SPDYA: variants seen among roughly 807,000 people sequenced by gnomAD.
SPDYA encodes speedy/RINGO cell cycle regulator family member A.
In SPDYA, 11 loss-of-function variants were observed where a neutral mutation model predicts 36.7. The ratio of observed to expected loss-of-function variants is 0.30; its 90% confidence interval spans 0.19 to 0.50. SPDYA has a LOEUF of 0.50. Ranked by LOEUF, SPDYA falls within the 20% of genes least tolerant of loss-of-function variation. The probability of loss-of-function intolerance (pLI) is 0.98; values close to 1 mark genes in which losing one functional copy is unlikely to be tolerated. For synonymous variants in SPDYA, 115 were observed against 118.7 expected (o/e 0.97, Z 0.20); for missense variants, 287 against 370.9 (o/e 0.77, Z 1.86).
At chr2:28,826,928 ATTTTC>A (rs1385082914) in intron 5 of SPDYA, among the ~76,000 whole-genome samples, 1 of 105,874 alleles carries the variant, frequency 9.4e-6, no homozygotes, top group Non-Finnish European at 2.0e-5. Context: ...CATCTTTGCT[ATTTTC>A]TTTTTTCTTT....
chr2:28,829,244 T>C lies in SPDYA; in HGVS notation c.477T>C (p.Asn159=), dbSNP rs564622400. 1 of 1,614,096 alleles carries C rather than the reference T, an allele frequency of 6.2e-7. No individual in the cohort carries two copies. Among genetic ancestry groups the C allele is most frequent in the African/African-American group, 1.3e-5 (1 of 75,058 alleles). The change falls in exon 6 of 8, where the codon AAT becomes AAC. Residue 159 remains asparagine (N), a synonymous_variant. Transcript: ENST00000334056. ...AAAACTGGAGAAAATTGTTCCCTAATTTCTTAAAGTTAAGGGACCAGCTCT... is the reference window on the plus strand; with the variant it reads ...AAAACTGGAGAAAATTGTTCCCTAACTTCTTAAAGTTAAGGGACCAGCTCT... ...LGKNWRKLFP[N]FLKLRDQLWD... is the part of the protein sequence containing the mutation.
rs187955109 is a variant in SPDYA at position 28,832,126 on chromosome 2, A to G, written c.552+2807A>G. Among the ~76,000 whole-genome samples, 439 of 152,314 alleles carry G rather than the reference A, an allele frequency of 2.9e-3. 1 individual carries two copies. Among genetic ancestry groups the G allele is most frequent in the Non-Finnish European group, 5.7e-3 (385 of 68,030 alleles). On this transcript the variant is annotated intron_variant, in intron 6 of 7. Transcript: ENST00000334056. Reference sequence around the variant, plus strand: ...CTCCTTGAAGAATTGCTTGTATTCTATCTCTACTTCTGTTCTTTCCATTCT... The same window carrying G: ...CTCCTTGAAGAATTGCTTGTATTCTGTCTCTACTTCTGTTCTTTCCATTCT...
intron 6 of SPDYA, among the ~76,000 whole-genome samples, chr2:28,834,932 A>G (rs1231311328): frequency 6.6e-6 from 1 of 152,180 alleles, no homozygotes; most frequent in East Asian, 1.9e-4. Context: ...TCTCAGTTCC[A>G]ATTTTCCTCA....
intron 3 of SPDYA, among the ~76,000 whole-genome samples, chr2:28,818,157 C>A (rs1240981798): frequency 6.6e-6 from 1 of 152,058 alleles, no homozygotes; most frequent in Middle Eastern, 3.4e-3. Flanking sequence ...CAAAGTGAGA[C>A]CCTGTTTAAA....
rs141321441 is a variant in SPDYA, at chr2:28,829,193, C to T, written c.426C>T (p.Tyr142=). 141 of 1,613,582 alleles carry T rather than the reference C, an allele frequency of 8.7e-5. No homozygotes were observed. Among genetic ancestry groups the T allele is most frequent in the South Asian group, 1.1e-4 (10 of 91,048 alleles). The part of the protein sequence containing the change: ...TVEEDEEETK[Y]EIFPWALGKN... Reference sequence around the variant, plus strand: ...AAGAAGATGAAGAAGAAACCAAGTACGAAATTTTTCCATGGGCTTTAGGGA... The same window carrying T: ...AAGAAGATGAAGAAGAAACCAAGTATGAAATTTTTCCATGGGCTTTAGGGA... Residue 142 remains tyrosine (Y), a synonymous_variant, in exon 6 of 8, where the codon TAC becomes TAT. Transcript: ENST00000334056.
chr2:28,819,850 ATATATATATATATATATATAT>A (rs532906433), intron 4 of SPDYA, among the ~76,000 whole-genome samples: 5 of 6,896 alleles, frequency 7.3e-4, no homozygotes, highest in Non-Finnish European at 9.2e-4. Context: ...AAAAAAAAAA[ATATATATATATATATATATAT>A]ATATATATAT....
chr2:28,832,518 A>G (rs567879493), intron 6 of SPDYA, among the ~76,000 whole-genome samples: 14 of 152,266 alleles, frequency 9.2e-5, no homozygotes, highest in African/African-American at 3.1e-4. Flanking sequence ...AGATCTGCAT[A>G]CGAAATCGCC....
At chr2:28,812,475 A>G (rs1667870703) in intron 1 of SPDYA, among the ~76,000 whole-genome samples, 2 of 151,252 alleles carry the variant, frequency 1.3e-5, no homozygotes. Flanking sequence ...AAAAAAAAGA[A>G]AGAAAGAAAG....
intron 7 of SPDYA, among the ~76,000 whole-genome samples, chr2:28,841,542 T>C (rs895395521): frequency 3.3e-5 from 5 of 152,160 alleles, no homozygotes; most frequent in Non-Finnish European, 7.3e-5. Flanking sequence ...TTTTTCATGG[T>C]CCTTTCTAAT....
intron 6 of SPDYA, among the ~76,000 whole-genome samples, chr2:28,832,684 T>C (rs1217641038): frequency 6.6e-6 from 1 of 152,150 alleles, no homozygotes; most frequent in Admixed American, 6.5e-5. Context: ...GGCCAAAAAA[T>C]TATTTCCATT....
At chr2:28,848,891 C>T (rs886695707) in intron 7 of SPDYA, among the ~76,000 whole-genome samples, 5 of 151,938 alleles carry the variant, frequency 3.3e-5, no homozygotes, top group African/African-American at 1.2e-4. Flanking sequence ...AAAAAATCCA[C>T]AAAAATTGGC....
chr2:28,818,208 A>T (rs982538536), intron 3 of SPDYA, among the ~76,000 whole-genome samples: 3 of 152,186 alleles, frequency 2.0e-5, no homozygotes, highest in Admixed American at 1.3e-4. Flanking sequence ...TCTTATTCTC[A>T]GGAAATCAGT....
At chr2:28,843,149 A>G (rs1572516648) in intron 7 of SPDYA, among the ~76,000 whole-genome samples, 1 of 152,206 alleles carries the variant, frequency 6.6e-6, no homozygotes, top group Non-Finnish European at 1.5e-5. Flanking sequence ...TTTTTTGTTA[A>G]AAACAACACA....
intron 4 of SPDYA, among the ~76,000 whole-genome samples, chr2:28,820,007 T>C (rs1328875811): frequency 6.7e-6 from 1 of 149,582 alleles, no homozygotes; most frequent in Non-Finnish European, 1.5e-5. Context: ...CCAGACCCTG[T>C]CTCAAAAACG....
chr2:28,816,327 C>T, intron 3 of SPDYA, 78 bp downstream of exon 3: 1 of 1,102,804 alleles, frequency 9.1e-7, no homozygotes, highest in Non-Finnish European at 1.3e-6. Context: ...TGTTTTTATT[C>T]TGATCAAAGA....
intron 7 of SPDYA, among the ~76,000 whole-genome samples, chr2:28,848,894 A>G (rs1668956958): frequency 6.6e-6 from 1 of 152,038 alleles, no homozygotes; most frequent in Admixed American, 6.6e-5. Context: ...AAATCCACAA[A>G]AATTGGCTGG....
intron 4 of SPDYA, among the ~76,000 whole-genome samples, chr2:28,819,926 G>A (rs185193732): frequency 0.022 from 2,854 of 128,416 alleles, 67 homozygotes; most frequent in Non-Finnish European, 0.032. Flanking sequence ...CAGGAGGATT[G>A]CTTGAGCCAG....
chr2:28,847,377 C>T (rs1318068171), intron 7 of SPDYA, among the ~76,000 whole-genome samples: 1 of 150,836 alleles, frequency 6.6e-6, no homozygotes, highest in Non-Finnish European at 1.5e-5. Context: ...CACTTCAGAG[C>T]TTCTATATAG....
chr2:28,828,748 G>A (rs886146547), intron 5 of SPDYA, among the ~76,000 whole-genome samples: 4 of 152,198 alleles, frequency 2.6e-5, no homozygotes, highest in African/African-American at 7.2e-5. Flanking sequence ...AATAGTGGCT[G>A]TTCCCACCAG....
Sources: gnomAD v4.1 joint callset for allele counts (sites outside exome capture counted in the v4.1 genomes callset) on GRCh38, gnomAD v4.1.1 for gene constraint, MANE v1.5 for transcripts, NCBI Gene and HGNC (gene_info 2026-07-23, HGNC 2026-07-21) for gene names.